The following MEIG1 variants were observed in gnomAD, a reference collection of about 807,000 sequenced individuals.
MEIG1 encodes the protein meiosis expressed gene 1 protein homolog.
MEIG1 carries 12 observed loss-of-function variants against 11.3 expected under a neutral mutation model. The ratio of observed to expected loss-of-function variants is 1.07; its 90% CI spans 0.68 to 1.73. The LOEUF (loss-of-function observed/expected upper bound fraction) is 1.73. Ranked by LOEUF, MEIG1 falls within the 40% of genes most tolerant of loss-of-function variation. The pLI, the probability that MEIG1 is intolerant of heterozygous loss-of-function variation, is 0.00. For missense variants in MEIG1, 119 were observed against 104.9 expected, an observed-to-expected ratio of 1.13 and a Z score of -0.59; for synonymous variants, 41 against 33.2, an observed-to-expected ratio of 1.24 and a Z score of -0.81.
At chr10:14,974,780 A>C (rs1396118941), downstream of MEIG1, among the ~76,000 whole-genome samples, 3 of 152,114 alleles carry the variant, frequency 2.0e-5, no homozygotes, top group East Asian at 5.8e-4. Flanking sequence ...TATTGATCTT[A>C]TTCATTAGAA....
chr10:14,966,675 A>C (rs1843088403), intron 2 of MEIG1, 69 bp downstream of exon 2: 1 of 1,426,504 alleles, frequency 7.0e-7, no homozygotes, highest in African/African-American at 1.5e-5. Context: ...TATTTTATAA[A>C]CAACCAGAGA....
intron 2 of MEIG1, among the ~76,000 whole-genome samples, chr10:14,966,941 C>T (rs567055403): frequency 6.6e-6 from 1 of 152,046 alleles, no homozygotes; most frequent in African/African-American, 2.4e-5. Context: ...CCGTGTTTGG[C>T]CAGGCTGGTC....
At chr10:14,969,197 A>G (rs1223208531) in intron 2 of MEIG1, among the ~76,000 whole-genome samples, 1 of 152,250 alleles carries the variant, frequency 6.6e-6, no homozygotes, top group Non-Finnish European at 1.5e-5. Context: ...CTCTAAGCCC[A>G]GTGCTTTGGG....
chr10:14,972,928 C>G, downstream of MEIG1: 38 of 247,194 alleles, frequency 1.5e-4, no homozygotes, highest in South Asian at 2.5e-4. Context: ...TGCAGTGGTG[C>G]AATCTCGATT....
chr10:14,956,178 G>C (rs1250476852), upstream of MEIG1, among the ~76,000 whole-genome samples: 1 of 152,242 alleles, frequency 6.6e-6, no homozygotes, highest in Non-Finnish European at 1.5e-5. Context: ...ACCAAACCTA[G>C]TGAATCAGAA....
At chr10:14,963,746 T>A (rs2131263329) in intron 1 of MEIG1, among the ~76,000 whole-genome samples, 1 of 152,274 alleles carries the variant, frequency 6.6e-6, no homozygotes, top group South Asian at 2.1e-4. Context: ...ACACGATCAC[T>A]TGAGGCCAGG....
chr10:14,976,605 C>A (rs6602784), downstream of MEIG1, among the ~76,000 whole-genome samples: 92,339 of 151,510 alleles, frequency 0.61, 28,602 homozygotes, highest in Admixed American at 0.73. Flanking sequence ...TATTATCGTC[C>A]TATTCTAGGG....
chr10:14,986,137 A>G (rs947746656), intron 1 of MEIG1, among the ~76,000 whole-genome samples: 1 of 152,070 alleles, frequency 6.6e-6, no homozygotes, highest in Non-Finnish European at 1.5e-5. Flanking sequence ...TATAATTCTT[A>G]TTTCATCTTG....
intron 2 of MEIG1, among the ~76,000 whole-genome samples, chr10:14,970,727 G>A (rs747872395): frequency 7.2e-5 from 11 of 152,192 alleles, no homozygotes; most frequent in Non-Finnish European, 1.3e-4. Context: ...TAAAAGACAT[G>A]TGGACACAGA....
intron 2 of MEIG1, among the ~76,000 whole-genome samples, chr10:14,967,579 A>C (rs1755547775): frequency 6.7e-6 from 1 of 150,010 alleles, no homozygotes; most frequent in African/African-American, 2.5e-5. Context: ...ATCTCGGCTC[A>C]GTGCAACCTC....
chr10:14,965,047 C>G (rs7078658), intron 1 of MEIG1, among the ~76,000 whole-genome samples: 97,268 of 151,738 alleles, frequency 0.64, 31,480 homozygotes, highest in Admixed American at 0.69. Context: ...GTCTCCCCAA[C>G]TGCTGGGATT....
At chr10:14,979,020 A>G (rs548450386) in intron 1 of MEIG1, among the ~76,000 whole-genome samples, 1 of 152,058 alleles carries the variant, frequency 6.6e-6, no homozygotes. Context: ...TTGTGATATT[A>G]TTCGTAATAT....
At chr10:14,974,843 T>G (rs561497546), downstream of MEIG1, among the ~76,000 whole-genome samples, 2 of 152,012 alleles carry the variant, frequency 1.3e-5, no homozygotes, top group African/African-American at 2.4e-5. Flanking sequence ...ATCTGAACAC[T>G]TTATGAGCAA....
chr10:14,955,987 G>C (rs36231426), upstream of MEIG1, among the ~76,000 whole-genome samples: 562 of 152,320 alleles, frequency 3.7e-3, no homozygotes, highest in African/African-American at 0.013. Context: ...AGTGTCCGAA[G>C]AATCTCACGG....
chr10:14,983,769 T>C (rs183736691), intron 1 of MEIG1, among the ~76,000 whole-genome samples: 77 of 152,000 alleles, frequency 5.1e-4, no homozygotes, highest in African/African-American at 8.4e-4. Context: ...AGGGTGTGTA[T>C]ATCCCCCCAG....
At chr10:14,961,272 T>C (rs1412882689) in intron 1 of MEIG1, among the ~76,000 whole-genome samples, 1 of 152,198 alleles carries the variant, frequency 6.6e-6, no homozygotes, top group Non-Finnish European at 1.5e-5. Flanking sequence ...GAAAACAGAA[T>C]GGTTGCGTGG....
At chr10:14,967,910 T>A (rs1042350562) in intron 2 of MEIG1, among the ~76,000 whole-genome samples, 3 of 152,164 alleles carry the variant, frequency 2.0e-5, no homozygotes, top group East Asian at 1.9e-4. Context: ...TCAAAAAAAA[T>A]TTCAACAAAT....
At chr10:14,980,291 G>A (rs995708597) in intron 1 of MEIG1, among the ~76,000 whole-genome samples, 2 of 151,972 alleles carry the variant, frequency 1.3e-5, no homozygotes, top group African/African-American at 2.4e-5. Flanking sequence ...ATGTCACAGC[G>A]GTGTATATCC....
At chr10:14,984,936 G>C (rs1473597462) in intron 1 of MEIG1, among the ~76,000 whole-genome samples, 1 of 152,010 alleles carries the variant, frequency 6.6e-6, no homozygotes, top group African/African-American at 2.4e-5. Context: ...TAATGTCACA[G>C]GGCGTGTAGA....
Sources: gnomAD v4.1 joint callset for allele counts (sites outside exome capture counted in the v4.1 genomes callset) on GRCh38, gnomAD v4.1.1 for gene constraint, MANE v1.5 for transcripts, NCBI Gene and HGNC (gene_info 2026-07-23, HGNC 2026-07-21) for gene names.